The following ZPBP variants were observed in gnomAD, a reference collection of about 807,000 sequenced individuals.
The protein encoded by ZPBP is zona pellucida-binding protein 1.
A neutral mutation model predicts 44.8 loss-of-function variants in ZPBP; 26 were observed. The observed-to-expected ratio is 0.58, with a 90% CI of 0.43 to 0.81. The LOEUF (loss-of-function observed/expected upper bound fraction) is 0.81. ZPBP is among the 30% of genes least tolerant of loss of function. ZPBP has a pLI of 0.00. For synonymous variants in ZPBP, 174 were observed against 153.2 expected (o/e 1.14, Z -1.00); for missense variants, 409 against 434.0 (o/e 0.94, Z 0.51).
At chr7:49,965,281 G>T (rs1796014442) in intron 7 of ZPBP, among the ~76,000 whole-genome samples, 2 of 151,666 alleles carry the variant, frequency 1.3e-5, no homozygotes, top group African/African-American at 2.4e-5. Context: ...AGGTAAAAAA[G>T]AAAAACAAGG....
intron 1 of ZPBP, chr7:50,092,800 T>G: frequency 2.6e-6 from 1 of 383,234 alleles, no homozygotes; most frequent in Non-Finnish European, 4.5e-6. Context: ...ATTGGGGAGT[T>G]TATCAACAAA....
intron 3 of ZPBP, among the ~76,000 whole-genome samples, chr7:50,064,774 C>G (rs939918066): frequency 3.3e-5 from 5 of 152,130 alleles, no homozygotes; most frequent in African/African-American, 1.2e-4. Flanking sequence ...TCATATTGCT[C>G]AAACACACAT....
chr7:49,959,041 A>T (rs1212558497), intron 7 of ZPBP, among the ~76,000 whole-genome samples: 1 of 152,190 alleles, frequency 6.6e-6, no homozygotes, highest in Non-Finnish European at 1.5e-5. Context: ...TAAAGAGTCA[A>T]TCAAAGCAAA....
chr7:50,025,448 G>A (rs982204413), intron 5 of ZPBP, among the ~76,000 whole-genome samples: 8 of 151,710 alleles, frequency 5.3e-5, no homozygotes, highest in Admixed American at 2.0e-4. Flanking sequence ...AGAGACCAAT[G>A]TAAGTGAACA....
At chr7:49,944,298 TC>T (rs1263230900) in intron 7 of ZPBP, 1 of 297,630 alleles carries the variant, frequency 3.4e-6, no homozygotes, top group Non-Finnish European at 6.5e-6. Context: ...TTCTTGTATT[TC>T]TTTTGCCTGT....
intron 6 of ZPBP, among the ~76,000 whole-genome samples, chr7:49,988,835 A>G (rs1797435906): frequency 6.6e-6 from 1 of 152,238 alleles, no homozygotes; most frequent in Non-Finnish European, 1.5e-5. Context: ...AACTGAATGG[A>G]CTGAATTAAT....
At chr7:49,857,426 A>G (rs1265739888) in intron 2 of ZPBP, among the ~76,000 whole-genome samples, 2 of 152,168 alleles carry the variant, frequency 1.3e-5, no homozygotes, top group East Asian at 3.8e-4. Context: ...TCATTCATCC[A>G]TCTGTCCAGG....
intron 2 of ZPBP, among the ~76,000 whole-genome samples, chr7:50,088,371 T>C (rs1362086141): frequency 6.6e-6 from 1 of 151,996 alleles, no homozygotes; most frequent in Non-Finnish European, 1.5e-5. Flanking sequence ...GATTAGGCAA[T>C]AATTTCTTAG....
At chr7:49,981,726 A>G (rs1338039034) in intron 7 of ZPBP, among the ~76,000 whole-genome samples, 1 of 97,550 alleles carries the variant, frequency 1.0e-5, no homozygotes, top group Non-Finnish European at 1.8e-5. Flanking sequence ...TATAATATAA[A>G]TTATATATGG....
chr7:49,867,379 T>C (rs572488534), intron 2 of ZPBP, among the ~76,000 whole-genome samples: 1 of 152,282 alleles, frequency 6.6e-6, no homozygotes, highest in South Asian at 2.1e-4. Flanking sequence ...AGCTGCTCCC[T>C]AGCACAGAGA....
intron 1 of ZPBP, among the ~76,000 whole-genome samples, chr7:49,923,349 T>C (rs1318523225): frequency 6.6e-6 from 1 of 152,222 alleles, no homozygotes; most frequent in Non-Finnish European, 1.5e-5. Flanking sequence ...TGTGAATGTT[T>C]GATGCATGTT....
chr7:49,922,805 C>T (rs1000648261), intron 1 of ZPBP, among the ~76,000 whole-genome samples: 17 of 152,076 alleles, frequency 1.1e-4, no homozygotes, highest in African/African-American at 3.6e-4. Context: ...TACAATGGAG[C>T]AGAAACAACA....
At chr7:49,881,464 T>A (rs576949966) in intron 2 of ZPBP, among the ~76,000 whole-genome samples, 6 of 152,172 alleles carry the variant, frequency 3.9e-5, no homozygotes, top group Non-Finnish European at 8.8e-5. Flanking sequence ...TGCCTAACCC[T>A]ACCTCACCTC....
At chr7:49,994,630 C>G (rs1422954010) in intron 6 of ZPBP, among the ~76,000 whole-genome samples, 1 of 152,216 alleles carries the variant, frequency 6.6e-6, no homozygotes, top group African/African-American at 2.4e-5. Flanking sequence ...GCAGCTGTCT[C>G]TCCGAAGGAG....
In ZPBP at chr7:50,078,551, A is replaced by T. The variant is rs142185530; in HGVS notation, c.334+3223T>A. Reference sequence around the variant, plus strand: ...TATGTACCTAAAATTAAAAAAAAATAATATTCTTAAGAAAAATTTTTAAAA... The same window carrying T: ...TATGTACCTAAAATTAAAAAAAAATTATATTCTTAAGAAAAATTTTTAAAA... On this transcript the variant is annotated intron_variant, in intron 3 of 7. Transcript: ENST00000046087. Among the ~76,000 whole-genome samples the T allele has an allele frequency of 4.5e-3, 683 of 151,062 alleles. 17 individuals carry two copies. In the South Asian group the frequency reaches 0.067, roughly 15 times the overall value.
Position 49,877,474 on chromosome 7 carries a change from A to AAAATAAAT in ZPBP, n.509+23643_509+23644insATTTATTT, listed in dbSNP as rs1237264835. Among the ~76,000 whole-genome samples, 2 of 46,270 alleles carry AAAATAAAT rather than the reference A, an allele frequency of 4.3e-5. 1 individual carries two copies. 30.4% of individuals were successfully genotyped at this position (46,270 alleles called of 152,430 possible). Reference sequence around the variant, plus strand: ...AGAAACTCTGTCTCAAAAAAAAAAAAAAAAAAAATATATATATATATATAT... The same window carrying AAAATAAAT: ...AGAAACTCTGTCTCAAAAAAAAAAAAAAATAAATAAAAAAAATATATATATATATATAT... On this transcript the variant is annotated intron_variant and non_coding_transcript_variant, in intron 2 of 2. Transcript: ENST00000465922.
At chr7:49,972,140 T>C (rs1448008521) in intron 7 of ZPBP, among the ~76,000 whole-genome samples, 9 of 151,714 alleles carry the variant, frequency 5.9e-5, no homozygotes, top group African/African-American at 2.4e-5. Flanking sequence ...TAACATCACA[T>C]TCAATTATGA....
At chr7:49,959,459 T>C (rs1795756650) in intron 7 of ZPBP, among the ~76,000 whole-genome samples, 1 of 151,980 alleles carries the variant, frequency 6.6e-6, no homozygotes, top group South Asian at 2.1e-4. Flanking sequence ...TCAAATAACA[T>C]GCTAACTGGA....
chr7:49,920,248 T>A (rs1356929332), intron 1 of ZPBP: 1 of 151,552 alleles, frequency 6.6e-6, no homozygotes, highest in Non-Finnish European at 1.5e-5. Context: ...ACACGATGAA[T>A]CCTTTTCTTA....
Sources: gnomAD v4.1 joint callset for allele counts (sites outside exome capture counted in the v4.1 genomes callset) on GRCh38, gnomAD v4.1.1 for gene constraint, MANE v1.5 for transcripts, NCBI Gene and HGNC (gene_info 2026-07-23, HGNC 2026-07-21) for gene names.